PDCD5: variants seen among roughly 807,000 people sequenced by gnomAD.
The protein encoded by PDCD5 is programmed cell death protein 5.
PDCD5 carries 23 observed loss-of-function variants against 21.9 expected under a neutral mutation model. That is an observed-to-expected ratio of 1.05 (90% CI 0.76 to 1.49). PDCD5 has a LOEUF of 1.49. Among genes scored for constraint, PDCD5 ranks in the 40% most tolerant of loss-of-function variants. The probability of loss-of-function intolerance (pLI) is 0.00; values close to 1 mark genes in which losing one functional copy is unlikely to be tolerated. For synonymous variants in PDCD5, 45 were observed against 49.4 expected (o/e 0.91, Z 0.37); for missense variants, 152 against 147.7 (o/e 1.03, Z -0.15).
Position 32,582,228 on chromosome 19 carries a change from C to T in PDCD5, c.100C>T (p.His34Tyr), listed in dbSNP as rs776661606. Residue 34 changes from histidine (H) to tyrosine (Y), a missense_variant, in exon 2 of 6, where the codon CAC becomes TAC. His to Tyr is a moderately conservative substitution (Grantham distance 83, BLOSUM62 2). Coordinates refer to ENST00000590247, the MANE Select transcript of PDCD5 (RefSeq NM_004708.4). Reference protein sequence around the residue: ...PGDAAQQEAKHREAEMRNSIL... With the variant: ...PGDAAQQEAKYREAEMRNSIL... ...TGATGCGGCCCAACAGGAAGCAAAG[C>T]ACAGGTATGGGCTGGAAACGTGAAC... 1 of 1,612,454 alleles carries T rather than the reference C, an allele frequency of 6.2e-7. No homozygotes were observed. The highest frequency in any genetic ancestry group is 1.1e-5 in the South Asian group (1 of 90,952).
In PDCD5 at chr19:32,582,222, G is replaced by C; in HGVS notation, c.94G>C (p.Ala32Pro). The C allele has an allele frequency of 6.2e-7, 1 of 1,612,998 alleles. No homozygotes were observed. The highest frequency in any genetic ancestry group is 1.3e-5 in the African/African-American group (1 of 74,968). The change falls in exon 2 of 6, where the codon GCA (alanine) becomes CCA (proline). Residue 32 changes from alanine to proline, a missense_variant. By Grantham distance (27) the Ala-to-Pro change is conservative. Transcript: ENST00000590247. The stretch of plus-strand genomic sequence containing the variant: ...TCCTGGTGATGCGGCCCAACAGGAA[G>C]CAAAGCACAGGTATGGGCTGGAAAC... The part of the protein sequence containing the change: ...GDPGDAAQQE[A>P]KHREAEMRNS...
chr19:32,584,448 C>G (rs1971457602), intron 2 of PDCD5, among the ~76,000 whole-genome samples: 1 of 152,220 alleles, frequency 6.6e-6, no homozygotes, highest in Non-Finnish European at 1.5e-5. Context: ...GTTATAATTT[C>G]ATTCCCCTTC....
chr19:32,587,292 G>A lies in PDCD5; in HGVS notation c.370G>A (p.Asp124Asn), dbSNP rs1971486810. 3 of 1,605,540 alleles carry A rather than the reference G, an allele frequency of 1.9e-6. No individual in the cohort carries two copies. Among genetic ancestry groups the A allele is most frequent in the Non-Finnish European group, 1.7e-6 (2 of 1,173,954 alleles). ...AGTAATGGACTCTGATGAAGATGACGATTATTGAACTACAAGTGCTCACAG... is the reference window on the plus strand; with the variant it reads ...AGTAATGGACTCTGATGAAGATGACAATTATTGAACTACAAGTGCTCACAG... ...RKVMDSDEDD[D>N]Y Residue 124 changes from aspartate to asparagine, a missense_variant, in exon 6 of 6, where the codon GAT becomes AAT. Transcript: ENST00000590247.
intron 1 of PDCD5, 127 bp from the exon 2 acceptor site, chr19:32,582,068 T>G (rs1971432507): frequency 1.4e-6 from 1 of 697,658 alleles, no homozygotes; most frequent in Admixed American, 2.7e-5. Context: ...TGAGGCCCAG[T>G]TTCTTATTTG....
intron 2 of PDCD5, 74 bp from the exon 3 acceptor site, chr19:32,584,876 G>C: frequency 1.7e-6 from 2 of 1,202,052 alleles, no homozygotes. Flanking sequence ...TACTGGATGG[G>C]TTCTTTCTCG....
intron 4 of PDCD5, chr19:32,586,595 A>C: frequency 8.3e-7 from 1 of 1,201,750 alleles, no homozygotes; most frequent in Non-Finnish European, 1.0e-6. Flanking sequence ...AGGTGTTCTT[A>C]AATATGTTAG....
Position 32,586,058 on chromosome 19 carries a change from A to G in PDCD5, c.258+151A>G. The G allele has an allele frequency of 3.8e-6, 6 of 1,563,156 alleles. No individual in the cohort carries two copies. In the South Asian group the frequency reaches 5.8e-5, roughly 15 times the overall value. ...AGAATAGTCATACCTACTTTAAAAGAGAATAAATTGCCTTTCCTAAATTCC... is the reference window on the plus strand; with the variant it reads ...AGAATAGTCATACCTACTTTAAAAGGGAATAAATTGCCTTTCCTAAATTCC... On this transcript the variant is annotated intron_variant, in intron 4 of 5. Transcript: ENST00000590247.
intron 1 of PDCD5, chr19:32,581,605 C>T: frequency 3.0e-6 from 1 of 328,712 alleles, no homozygotes; most frequent in Non-Finnish European, 5.5e-6. Context: ...CCTGGCGGGC[C>T]TGGATCCAAG....
chr19:32,581,571 T>TC, intron 1 of PDCD5: 3 of 352,772 alleles, frequency 8.5e-6, no homozygotes, highest in East Asian at 8.7e-5. Flanking sequence ...GGGTGTGGGG[T>TC]CCCCTAGCCT....
intron 5 of PDCD5, 129 bp from the exon 6 acceptor site, chr19:32,587,124 C>G: frequency 1.2e-6 from 1 of 820,214 alleles, no homozygotes; most frequent in Non-Finnish European, 2.0e-6. Context: ...CCATTCCCAC[C>G]CTTTTAGTTC....
chr19:32,582,923 G>A (rs1388690279), intron 2 of PDCD5, among the ~76,000 whole-genome samples: 1 of 152,182 alleles, frequency 6.6e-6, no homozygotes, highest in African/African-American at 2.4e-5. Context: ...GGAAGGGAGG[G>A]TTCGGGAGAA....
chr19:32,582,810 C>G (rs1427632925), intron 2 of PDCD5, among the ~76,000 whole-genome samples: 3 of 152,106 alleles, frequency 2.0e-5, no homozygotes, highest in African/African-American at 7.2e-5. Flanking sequence ...AGCTACTGGA[C>G]AATTCTCTAT....
At chr19:32,586,824 G>A (rs1325945453) in intron 4 of PDCD5, 34 bp from the exon 5 acceptor site, 2 of 1,589,568 alleles carry the variant, frequency 1.3e-6, no homozygotes, top group Non-Finnish European at 1.7e-6. Flanking sequence ...GTTTAAAAAA[G>A]TACTGTTTTT....
rs1407359595 is a variant in PDCD5 at position 32,587,249 on chromosome 19, C to G, written c.331-4C>G. 6.3e-7 allele frequency: 1 copy of G among 1,592,654 alleles called. No individual in the cohort carries two copies. The highest frequency in any genetic ancestry group is 1.7e-5 in the Admixed American group (1 of 59,336). ...TTCTGACACTCATTTAATTTTCCTC[C>G]CAGTTCAACAGAAGAAAAGTAATGG... On this transcript the variant is annotated splice_region_variant and splice_polypyrimidine_tract_variant and intron_variant, in intron 5 of 5. Transcript: ENST00000590247.
chr19:32,587,168 C>T (rs1411541354), intron 5 of PDCD5, 85 bp from the exon 6 acceptor site: 2 of 1,126,856 alleles, frequency 1.8e-6, no homozygotes, highest in African/African-American at 3.1e-5. Flanking sequence ...AAATGTCTTG[C>T]TAAAATTGGT....
Position 32,585,814 on chromosome 19 carries a change from A to C in PDCD5, c.167-2A>C. 6.5e-7 allele frequency: 1 copy of C among 1,546,472 alleles called. No homozygotes were observed. Among genetic ancestry groups the C allele is most frequent in the Non-Finnish European group, 8.9e-7 (1 of 1,123,538 alleles). On this transcript the variant is annotated splice_acceptor_variant, in intron 3 of 5. Coordinates refer to ENST00000590247, the MANE Select transcript of PDCD5 (RefSeq NM_004708.4). LOFTEE classifies it high-confidence loss of function. ...TTTTGCATATGTATTTTTTCTTTTT[A>C]GTAAGTAACTTAGCACTTGTAAAGC...
At chr19:32,586,783 A>C in intron 4 of PDCD5, 75 bp from the exon 5 acceptor site, 2 of 1,547,404 alleles carry the variant, frequency 1.3e-6, no homozygotes, top group East Asian at 4.6e-5. Context: ...AAAGAGTACA[A>C]AGTGATTCCA....
chr19:32,582,478 G>A (rs1202741606), intron 2 of PDCD5, among the ~76,000 whole-genome samples: 1 of 152,144 alleles, frequency 6.6e-6, no homozygotes, highest in East Asian at 1.9e-4. Flanking sequence ...TTAAAAATGA[G>A]CCTGATAATA....
chr19:32,586,586 G>A, intron 4 of PDCD5: 2 of 1,188,774 alleles, frequency 1.7e-6, no homozygotes, highest in Non-Finnish European at 2.1e-6. Flanking sequence ...TGATGATAAA[G>A]GTGTTCTTAA....
Sources: gnomAD v4.1 joint callset for allele counts (sites outside exome capture counted in the v4.1 genomes callset) on GRCh38, gnomAD v4.1.1 for gene constraint, MANE v1.5 for transcripts, NCBI Gene and HGNC (gene_info 2026-07-23, HGNC 2026-07-21) for gene names.